Variants in COL4A4 observed in about 807,000 individuals in gnomAD.
COL4A4 encodes collagen type IV alpha 4 chain.
COL4A4 carries 105 observed loss-of-function variants against 192.9 expected under a neutral mutation model. The ratio of observed to expected loss-of-function variants is 0.54; its 90% CI spans 0.46 to 0.64. The LOEUF is 0.64. Ranked by LOEUF, COL4A4 falls within the 30% of genes least tolerant of loss-of-function variation. The pLI, the probability that COL4A4 is intolerant of heterozygous loss-of-function variation, is 0.00. For synonymous variants in COL4A4, 762 were observed against 769.9 expected, an observed-to-expected ratio of 0.99 and a Z score of 0.17; for missense variants, 1,967 against 2,169.3, an observed-to-expected ratio of 0.91 and a Z score of 1.85.
intron 7 of COL4A4, among the ~76,000 whole-genome samples, chr2:227,117,355 T>C (rs1380822817): frequency 6.6e-6 from 1 of 152,248 alleles, no homozygotes; most frequent in African/African-American, 2.4e-5. Context: ...GCTTAATAAA[T>C]GTGCATTCAC....
Position 227,054,657 on chromosome 2 carries a change from C to G in COL4A4, c.2797G>C (p.Gly933Arg), listed in dbSNP as rs745586762. 6.2e-7 allele frequency: 1 copy of G among 1,614,258 alleles called. No individual in the cohort carries two copies. Among genetic ancestry groups the G allele is most frequent in the Admixed American group, 1.7e-5 (1 of 60,032 alleles). ...GACATGCCCTTCTCTCCAGGTTCTC[C>G]CTTTGCGCCAGGACATCCCTCTGCA... ...PGAEGCPGAK[G>R]EPGEKGMSGL... The change falls in exon 31 of 48, where the codon GGA (glycine) becomes CGA (arginine). Residue 933 changes from glycine (G) to arginine (R), a missense_variant. By Grantham distance (125) the Gly-to-Arg change is moderately radical. Coordinates refer to ENST00000396625, the MANE Select transcript of COL4A4 (RefSeq NM_000092.5).
intron 19 of COL4A4, 99 bp from the exon 20 acceptor site, chr2:227,094,388 T>C: frequency 7.9e-7 from 1 of 1,266,050 alleles, no homozygotes; most frequent in East Asian, 2.5e-5. Context: ...GGTTATCGAA[T>C]TTTTTAAAGG....
rs536197090 is a variant in COL4A4, at chr2:227,157,684, T to A, written c.-102+6323A>T. Among the ~76,000 whole-genome samples, 63 of 152,086 alleles carry A rather than the reference T, an allele frequency of 4.1e-4. 1 individual carries two copies. The highest frequency in any genetic ancestry group is 1.5e-3 in the African/African-American group (63 of 41,560). ...AAATAATTTTGTGAAAGACATCAATTATCAAAACTGACATAAGAAACAATA... is the reference window on the plus strand; with the variant it reads ...AAATAATTTTGTGAAAGACATCAATAATCAAAACTGACATAAGAAACAATA... On this transcript the variant is annotated intron_variant, in intron 1 of 47. Transcript: ENST00000396625.
intron 1 of COL4A4, among the ~76,000 whole-genome samples, chr2:227,162,879 T>G (rs1354391866): frequency 1.3e-5 from 2 of 152,238 alleles, no homozygotes; most frequent in African/African-American, 2.4e-5. Context: ...GAAAGAAGAC[T>G]GTAAGATTCA....
intron 41 of COL4A4, among the ~76,000 whole-genome samples, chr2:227,028,270 A>G (rs190619254): frequency 7.2e-4 from 109 of 152,140 alleles, no homozygotes; most frequent in African/African-American, 2.5e-3. Flanking sequence ...AAGTCCTATA[A>G]CCCTAAACTT....
Position 227,003,759 on chromosome 2 carries a change from C to T in COL4A4, c.*3566G>A, listed in dbSNP as rs1249698647. ...ATACAGATTACAGCATAAGGTAAGT[C>T]ATGTCACATTTTACTGAAGGGTCTT... On this transcript the variant is annotated 3_prime_UTR_variant, in exon 48 of 48. Coordinates refer to ENST00000396625, the MANE Select transcript of COL4A4 (RefSeq NM_000092.5). 6.6e-6 allele frequency: 1 copy of T among 152,136 alleles called. No homozygotes were observed. The highest frequency in any genetic ancestry group is 1.5e-5 in the Non-Finnish European group (1 of 68,022). The allele number at this position is 152,136 out of a possible 1,614,324, so 9.4% of individuals were successfully genotyped here. A position where few individuals can be genotyped will look rare whatever the true frequency, so the allele number is the denominator to read the frequency against.
In COL4A4 at chr2:227,067,525, C is replaced by T. The variant is rs544005207; in HGVS notation, c.1988-4927G>A. Among the ~76,000 whole-genome samples the T allele has an allele frequency of 8.1e-3, 1,226 of 152,234 alleles. 10 individuals are homozygous for T. Among genetic ancestry groups the T allele is most frequent in the Non-Finnish European group, 0.011 (760 of 68,022 alleles). On this transcript the variant is annotated intron_variant, in intron 25 of 47. Coordinates refer to ENST00000396625, the MANE Select transcript of COL4A4 (RefSeq NM_000092.5). ...AAATTATAACAAACTATCTCTCAGACCACAATGCAATCAAACTAGAACTCA... is the reference window on the plus strand; with the variant it reads ...AAATTATAACAAACTATCTCTCAGATCACAATGCAATCAAACTAGAACTCA...
chr2:227,103,767 G>A (rs1223795852), intron 13 of COL4A4, among the ~76,000 whole-genome samples: 2 of 152,084 alleles, frequency 1.3e-5, no homozygotes, highest in East Asian at 3.9e-4. Context: ...TCAGCAGCTG[G>A]GTAAACTTGA....
At chr2:226,972,073 C>A in the COL4A4 span, among the ~76,000 whole-genome samples, 47 of 152,182 alleles carry the variant, frequency 3.1e-4, no homozygotes, top group Non-Finnish European at 5.1e-4. Context: ...TGCTTTCCAT[C>A]CCCTTGCCCC....
At chr2:227,057,238 A>G (rs1012962449) in intron 29 of COL4A4, among the ~76,000 whole-genome samples, 7 of 152,208 alleles carry the variant, frequency 4.6e-5, no homozygotes, top group Admixed American at 1.3e-4. Flanking sequence ...TGTGTGGCCA[A>G]CTAGCCCACT....
chr2:227,033,156 A>C (rs1247398089), intron 38 of COL4A4, among the ~76,000 whole-genome samples: 1 of 152,254 alleles, frequency 6.6e-6, no homozygotes, highest in Non-Finnish European at 1.5e-5. Context: ...TAGTGGACAG[A>C]AAATTCCAAG....
At chr2:227,046,401 T>A (rs1972875310) in intron 35 of COL4A4, among the ~76,000 whole-genome samples, 1 of 151,912 alleles carries the variant, frequency 6.6e-6, no homozygotes, top group African/African-American at 2.4e-5. Flanking sequence ...CAAACCTGGT[T>A]TCTAACCTGA....
intron 9 of COL4A4, among the ~76,000 whole-genome samples, chr2:227,111,218 A>G (rs11694119): frequency 0.022 from 3,346 of 152,340 alleles, 52 homozygotes; most frequent in Non-Finnish European, 0.034. Flanking sequence ...CATCAGAAAC[A>G]TCAGAGAGAT....
intron 37 of COL4A4, among the ~76,000 whole-genome samples, chr2:227,034,565 TAA>T (rs201918891): frequency 0.015 from 2,281 of 151,416 alleles, 62 homozygotes; most frequent in African/African-American, 0.052. Context: ...ATTAATTAAT[TAA>T]TTAATTTATT....
chr2:226,974,998 GC>G, the COL4A4 span, among the ~76,000 whole-genome samples: 2 of 152,214 alleles, frequency 1.3e-5, no homozygotes, highest in Non-Finnish European at 2.9e-5. Context: ...TGAATCAGCA[GC>G]AGTGACTCCT....
At chr2:226,969,077 G>A in the COL4A4 span, 1 of 206,890 alleles carries the variant, frequency 4.8e-6, no homozygotes. Flanking sequence ...TGGCTAATGT[G>A]AGATGGGCTC....
chr2:227,040,849 C>A (rs534259414), intron 37 of COL4A4, among the ~76,000 whole-genome samples: 1 of 152,108 alleles, frequency 6.6e-6, no homozygotes, highest in African/African-American at 2.4e-5. Flanking sequence ...CAGGTGTGAG[C>A]CACCCGGCCA....
At chr2:227,063,013 G>A (rs1437833457) in intron 25 of COL4A4, among the ~76,000 whole-genome samples, 1 of 152,156 alleles carries the variant, frequency 6.6e-6, no homozygotes, top group Non-Finnish European at 1.5e-5. Context: ...ATAGCAGCAG[G>A]TGTCCAATGC....
intron 6 of COL4A4, among the ~76,000 whole-genome samples, chr2:227,119,084 T>C (rs780050756): frequency 1.1e-4 from 17 of 151,830 alleles, no homozygotes; most frequent in African/African-American, 1.7e-4. Context: ...CATTTTCATA[T>C]GAGAAATGGG....
Sources: allele counts gnomAD v4.1 joint callset (sites outside exome capture counted in the v4.1 genomes callset), GRCh38; gene constraint gnomAD v4.1.1; transcripts MANE v1.5; gene names NCBI Gene and HGNC (gene_info 2026-07-23, HGNC 2026-07-21).